The following FRAS1 variants were observed in gnomAD, a reference collection of about 807,000 sequenced individuals.
FRAS1 encodes the protein Fraser extracellular matrix complex subunit 1, also known as extracellular matrix organizing protein FRAS1.
Under a neutral mutation model 435.2 loss-of-function variants are expected in FRAS1, and 290 were observed. The observed-to-expected ratio is 0.67, with a 90% CI of 0.61 to 0.73. FRAS1 has a LOEUF of 0.73. Among genes scored for constraint, FRAS1 ranks in the 30% least tolerant of loss-of-function variants. The pLI is 0.00. For synonymous variants in FRAS1, 1,800 were observed against 1,851.0 expected (o/e 0.97, Z 0.71); for missense variants, 4,860 against 5,001.5 (o/e 0.97, Z 0.85).
At chr4:78,194,106 C>G (rs1722684955) in intron 2 of FRAS1, among the ~76,000 whole-genome samples, 1 of 152,222 alleles carries the variant, frequency 6.6e-6, no homozygotes, top group Non-Finnish European at 1.5e-5. Flanking sequence ...GGCCCCCACT[C>G]TCTTCTGGCT....
chr4:78,460,555 C>A (rs1467155911), intron 47 of FRAS1, among the ~76,000 whole-genome samples: 1 of 152,176 alleles, frequency 6.6e-6, no homozygotes, highest in East Asian at 1.9e-4. Context: ...AAAATATAGT[C>A]ATGTATTGCG....
intron 18 of FRAS1, among the ~76,000 whole-genome samples, chr4:78,321,305 TAGCC>T (rs1422790049): frequency 1.3e-5 from 2 of 152,312 alleles, no homozygotes; most frequent in South Asian, 2.1e-4. Flanking sequence ...CAAAGTCATG[TAGCC>T]AGCACAGAGT....
intron 2 of FRAS1, among the ~76,000 whole-genome samples, chr4:78,111,979 A>T (rs983963194): frequency 1.3e-5 from 2 of 152,118 alleles, no homozygotes; most frequent in South Asian, 2.1e-4. Context: ...AAACTTAAGA[A>T]TGTATGTTTT....
At chr4:78,425,096 TG>T (rs1733945853) in intron 35 of FRAS1, among the ~76,000 whole-genome samples, 1 of 111,492 alleles carries the variant, frequency 9.0e-6, no homozygotes, top group Non-Finnish European at 1.9e-5. Context: ...CATTCTTAAA[TG>T]GGGATAATAA....
At position 78,196,168 on chromosome 4, in the gene FRAS1, C is replaced by T. The variant is rs559644976; in HGVS notation, c.109-41342C>T. Among the ~76,000 whole-genome samples, 10 of 152,086 alleles carry T rather than the reference C, an allele frequency of 6.6e-5. No individual in the cohort carries two copies. The East Asian group carries it at 7.7e-4, about 12-fold the overall frequency. ...GTCTACAGGCACCCGCCACCACACC[C>T]GGCTAATTTTTTGAATTTTTAGTAG... On this transcript the variant is annotated intron_variant, in intron 2 of 73. Coordinates refer to ENST00000512123, the MANE Select transcript of FRAS1 (RefSeq NM_025074.7).
intron 2 of FRAS1, among the ~76,000 whole-genome samples, chr4:78,188,137 T>C (rs1722352590): frequency 6.6e-6 from 1 of 152,208 alleles, no homozygotes; most frequent in African/African-American, 2.4e-5. Flanking sequence ...TTCCCCTTTC[T>C]TTCTATGGAA....
chr4:78,462,386 AAAAAGAAAAAG>A (rs1327502601), intron 47 of FRAS1, among the ~76,000 whole-genome samples: 1 of 152,178 alleles, frequency 6.6e-6, no homozygotes, highest in Non-Finnish European at 1.5e-5. Flanking sequence ...GAAAACAAAA[AAAAAGAAAAAG>A]AAAAGAAAAA....
chr4:78,454,311 C>T (rs1466617834), intron 47 of FRAS1, among the ~76,000 whole-genome samples: 2 of 152,014 alleles, frequency 1.3e-5, no homozygotes, highest in African/African-American at 4.8e-5. Flanking sequence ...GAAGGGGAGA[C>T]TTGGAAGAGA....
In FRAS1 at chr4:78,114,818, T is replaced by C. The variant is rs11728528; in HGVS notation, c.108+48802T>C. Among the ~76,000 whole-genome samples, 1,336 of 152,316 alleles carry C rather than the reference T, an allele frequency of 8.8e-3. 11 individuals are homozygous for C. The highest frequency in any genetic ancestry group is 0.014 in the Non-Finnish European group (978 of 68,022). On this transcript the variant is annotated intron_variant, in intron 2 of 73. Transcript: ENST00000512123. ...CTCTTTTCCTAATTGAAAAATCCCT[T>C]ATTTCCTTCTCCTGCCTGATTGCCC... is the stretch of plus-strand genomic sequence containing the variant.
At chr4:78,489,137 G>T in intron 59 of FRAS1, 57 bp downstream of exon 59, 1 of 1,499,010 alleles carries the variant, frequency 6.7e-7, no homozygotes, top group Non-Finnish European at 9.0e-7. Context: ...TTATTTGTCT[G>T]TAATGAAGTC....
intron 9 of FRAS1, among the ~76,000 whole-genome samples, chr4:78,276,477 A>C (rs546624748): frequency 1.4e-4 from 21 of 152,256 alleles, no homozygotes; most frequent in Admixed American, 3.3e-4. Flanking sequence ...TGATGGTGAC[A>C]TTCAGATGGG....
chr4:78,095,959 C>T (rs754400970), intron 2 of FRAS1, among the ~76,000 whole-genome samples: 1 of 152,212 alleles, frequency 6.6e-6, no homozygotes, highest in Non-Finnish European at 1.5e-5. Context: ...CTCATTCCAA[C>T]ATTAACCCAA....
At chr4:78,178,053 G>T (rs950689409) in intron 2 of FRAS1, among the ~76,000 whole-genome samples, 1 of 152,156 alleles carries the variant, frequency 6.6e-6, no homozygotes, top group Non-Finnish European at 1.5e-5. Context: ...CCCTCCCAAA[G>T]CTCTAAGGGA....
chr4:78,121,086 A>T (rs940257715), intron 2 of FRAS1, among the ~76,000 whole-genome samples: 8 of 152,180 alleles, frequency 5.3e-5, no homozygotes, highest in Non-Finnish European at 8.8e-5. Flanking sequence ...ATGCAGTGAC[A>T]GTTCAGAAAC....
intron 32 of FRAS1, among the ~76,000 whole-genome samples, chr4:78,418,316 G>A (rs1475655208): frequency 6.6e-6 from 1 of 152,154 alleles, no homozygotes; most frequent in Non-Finnish European, 1.5e-5. Flanking sequence ...GGTGTTTGGG[G>A]TGGGTTCACT....
intron 2 of FRAS1, among the ~76,000 whole-genome samples, chr4:78,078,584 G>A (rs1460492422): frequency 6.6e-6 from 1 of 151,590 alleles, no homozygotes; most frequent in African/African-American, 2.4e-5. Context: ...TAAAGTACAG[G>A]TTTTCAAAGA....
chr4:78,385,682 C>T (rs184372060), intron 28 of FRAS1, among the ~76,000 whole-genome samples: 21 of 152,156 alleles, frequency 1.4e-4, no homozygotes, highest in Admixed American at 1.2e-3. Context: ...GTCAGAAGTT[C>T]GAGACCAGCC....
rs548187811 is a variant in FRAS1, at chr4:78,302,101, G to A, written c.1535-5965G>A. On this transcript the variant is annotated intron_variant, in intron 14 of 73. Coordinates refer to ENST00000512123, the MANE Select transcript of FRAS1 (RefSeq NM_025074.7). ...TTCCCACCTATGAGTGAGAATATGC[G>A]GTGTTTGGTTTTTTGTTCTTGAGAT... 8.0e-3 allele frequency among the ~76,000 whole-genome samples: 1,209 copies of A among 150,944 alleles called. 11 individuals carry two copies. Among genetic ancestry groups the A allele is most frequent in the African/African-American group, 0.028 (1,150 of 40,758 alleles).
intron 2 of FRAS1, chr4:78,180,921 G>C (rs1374988600): frequency 6.8e-6 from 11 of 1,606,502 alleles, no homozygotes; most frequent in Admixed American, 1.7e-5. Flanking sequence ...AGAAGTACTT[G>C]ACTTGTCGGT....
Sources: allele counts gnomAD v4.1 joint callset (sites outside exome capture counted in the v4.1 genomes callset), GRCh38; gene constraint gnomAD v4.1.1; transcripts MANE v1.5; gene names NCBI Gene and HGNC (gene_info 2026-07-23, HGNC 2026-07-21).